SLC24A4: variants seen among roughly 807,000 people sequenced by gnomAD.
The protein encoded by SLC24A4 is solute carrier family 24 member 4.
A neutral mutation model predicts 79.0 loss-of-function variants in SLC24A4; 53 were observed. The observed-to-expected ratio is 0.67, with a 90% CI of 0.54 to 0.84. The LOEUF (loss-of-function observed/expected upper bound fraction) is 0.84. Ranked by LOEUF, SLC24A4 falls within the 40% of genes least tolerant of loss-of-function variation. SLC24A4 has a pLI of 0.00. For missense variants in SLC24A4, 731 were observed against 822.0 expected, an observed-to-expected ratio of 0.89 and a Z score of 1.35; for synonymous variants, 323 against 323.8, an observed-to-expected ratio of 1.00 and a Z score of 0.03.
chr14:92,479,138 G>A (rs920704578), intron 12 of SLC24A4, among the ~76,000 whole-genome samples: 3 of 152,140 alleles, frequency 2.0e-5, no homozygotes, highest in Non-Finnish European at 4.4e-5. Flanking sequence ...TCTACAAATA[G>A]GGATAGTTTT....
chr14:92,333,804 G>A (rs191673707), intron 2 of SLC24A4, among the ~76,000 whole-genome samples: 44 of 152,236 alleles, frequency 2.9e-4, no homozygotes, highest in African/African-American at 8.9e-4. Flanking sequence ...GTGTAAGGGC[G>A]GTTGTGGGGT....
chr14:92,455,918 C>G (rs1893429291), intron 11 of SLC24A4, among the ~76,000 whole-genome samples: 1 of 152,206 alleles, frequency 6.6e-6, no homozygotes, highest in South Asian at 2.1e-4. Flanking sequence ...CCAGGCTGAT[C>G]TTGAACTCCT....
At chr14:92,465,812 C>T (rs1894075527) in intron 12 of SLC24A4, among the ~76,000 whole-genome samples, 1 of 152,096 alleles carries the variant, frequency 6.6e-6, no homozygotes, top group Non-Finnish European at 1.5e-5. Context: ...CTTCCTGGGC[C>T]TTTGGTCTCT....
At chr14:92,485,503 A>G (rs920626123) in intron 13 of SLC24A4, among the ~76,000 whole-genome samples, 1 of 152,056 alleles carries the variant, frequency 6.6e-6, no homozygotes, top group Non-Finnish European at 1.5e-5. Context: ...AACTCCCTAG[A>G]AAAAGATGAC....
intron 1 of SLC24A4, 113 bp downstream of exon 1, chr14:92,324,073 G>A (rs1405732986): frequency 1.4e-6 from 2 of 1,400,324 alleles, no homozygotes; most frequent in African/African-American, 2.9e-5. Context: ...GGTCCCAAGG[G>A]TTCATCCAGT....
chr14:92,346,928 G>A (rs975310441), intron 2 of SLC24A4, among the ~76,000 whole-genome samples: 2 of 152,160 alleles, frequency 1.3e-5, no homozygotes, highest in Non-Finnish European at 2.9e-5. Context: ...CAGGGTCCAT[G>A]ATCACTACCC....
intron 12 of SLC24A4, among the ~76,000 whole-genome samples, chr14:92,466,084 C>T (rs1447679531): frequency 1.3e-5 from 2 of 152,168 alleles, no homozygotes; most frequent in Admixed American, 1.3e-4. Context: ...GCTAAGAGGC[C>T]TTAGCATTGG....
At chr14:92,364,143 A>G (rs908342686) in intron 2 of SLC24A4, among the ~76,000 whole-genome samples, 16 of 152,242 alleles carry the variant, frequency 1.1e-4, no homozygotes, top group African/African-American at 3.6e-4. Context: ...CTTTCGTGAC[A>G]TAATTAGATT....
At position 92,490,662 on chromosome 14, in the gene SLC24A4, T is replaced by C. The variant is rs544589400; in HGVS notation, c.1538-1003T>C. 6.6e-5 allele frequency among the ~76,000 whole-genome samples: 10 copies of C among 152,346 alleles called. No individual in the cohort carries two copies. In the East Asian group the frequency reaches 1.9e-3, roughly 29 times the overall value. ...GCACATCCCAAGCCTCAGTTTCATC[T>C]TCTGTCACGCGAGGTTATGCCCCAC... On this transcript the variant is annotated intron_variant, in intron 14 of 16. Transcript: ENST00000532405. The surrounding 1 kb of genome is among the most constrained non-coding windows in gnomAD (Gnocchi z 4.3).
chr14:92,340,534 G>A (rs1487538999), intron 2 of SLC24A4, among the ~76,000 whole-genome samples: 1 of 151,846 alleles, frequency 6.6e-6, no homozygotes, highest in African/African-American at 2.4e-5. Flanking sequence ...GGCCTTGCAG[G>A]GTTCAGGTCC....
intron 2 of SLC24A4, among the ~76,000 whole-genome samples, chr14:92,341,508 A>C (rs564826295): frequency 6.6e-6 from 1 of 152,324 alleles, no homozygotes; most frequent in South Asian, 2.1e-4. Context: ...CGGAGCAGCT[A>C]AGTGGTTCTG....
intron 2 of SLC24A4, among the ~76,000 whole-genome samples, chr14:92,334,401 C>T (rs1056911387): frequency 3.3e-5 from 5 of 152,218 alleles, no homozygotes; most frequent in East Asian, 1.9e-4. Context: ...AGATGGCACC[C>T]GGCATCACTG....
At chr14:92,410,121 A>T (rs2402136) in intron 2 of SLC24A4, among the ~76,000 whole-genome samples, 11,909 of 152,196 alleles carry the variant, frequency 0.078, 742 homozygotes, top group African/African-American at 0.15. Context: ...CTGTACAACA[A>T]ATCCCTGTGA....
chr14:92,437,787 T>A (rs1473480634), intron 3 of SLC24A4, among the ~76,000 whole-genome samples: 1 of 152,212 alleles, frequency 6.6e-6, no homozygotes, highest in African/African-American at 2.4e-5. Context: ...ATCAGGATTG[T>A]TATTATTATT....
At chr14:92,370,400 A>C (rs929961760) in intron 2 of SLC24A4, among the ~76,000 whole-genome samples, 1 of 152,144 alleles carries the variant, frequency 6.6e-6, no homozygotes, top group African/African-American at 2.4e-5. Flanking sequence ...AACAGATGTA[A>C]AAGGCATTGC....
At position 92,482,701 on chromosome 14, in the gene SLC24A4, A is replaced by C. The variant is rs1407215645; in HGVS notation, c.1277A>C (p.Lys426Thr). 1 of 1,613,688 alleles carries C rather than the reference A, an allele frequency of 6.2e-7. No individual in the cohort carries two copies. Among genetic ancestry groups the C allele is most frequent in the African/African-American group, 1.3e-5 (1 of 74,904 alleles). Residue 426 changes from lysine to threonine, a missense_variant, in exon 13 of 17, where the codon AAG becomes ACG. Physicochemically the swap from Lys to Thr is moderately conservative, Grantham distance 78 (BLOSUM62 -1). Transcript: ENST00000532405. Reference sequence around the variant, plus strand: ...GCAGAGGCCAGAGGGGACAAGGTCAAGTGGGTGTTCACCTGGCCCCTCATC... The same window carrying C: ...GCAGAGGCCAGAGGGGACAAGGTCACGTGGGTGTTCACCTGGCCCCTCATC... ...SVPEARGDKV[K>T]WVFTWPLIFL...
chr14:92,391,868 G>A (rs1273363582), intron 2 of SLC24A4, among the ~76,000 whole-genome samples: 1 of 152,212 alleles, frequency 6.6e-6, no homozygotes, highest in African/African-American at 2.4e-5. Flanking sequence ...CCAGCTGCCG[G>A]CCATGTGAGT....
intron 12 of SLC24A4, among the ~76,000 whole-genome samples, chr14:92,465,295 C>T (rs73339573): frequency 0.15 from 22,986 of 152,148 alleles, 1,855 homozygotes; most frequent in Middle Eastern, 0.35. Flanking sequence ...GATTAATGGC[C>T]CCCCTAGTGC....
chr14:92,485,280 A>G (rs1895287200), intron 13 of SLC24A4, among the ~76,000 whole-genome samples: 2 of 152,162 alleles, frequency 1.3e-5, no homozygotes, highest in African/African-American at 4.8e-5. Context: ...CCTGGGCAAC[A>G]TAGTGAGACC....
Sources: gnomAD v4.1 joint callset for allele counts (sites outside exome capture counted in the v4.1 genomes callset) on GRCh38, gnomAD v4.1.1 for gene constraint, Gnocchi (gnomAD v3.1) non-coding constraint, MANE v1.5 for transcripts, NCBI Gene and HGNC (gene_info 2026-07-23, HGNC 2026-07-21) for gene names.